The following LAMB4 variants were observed in gnomAD, a reference collection of about 807,000 sequenced individuals.
The protein encoded by LAMB4 is laminin subunit beta-4.
Under a neutral mutation model 199.2 loss-of-function variants are expected in LAMB4, and 196 were observed. The observed-to-expected ratio is 0.98, with a 90% CI of 0.88 to 1.11. The LOEUF is 1.11. Ranked by LOEUF, LAMB4 falls within the 50% of genes least tolerant of loss-of-function variation. The pLI is 0.00. For missense variants in LAMB4, 2,080 were observed against 2,171.2 expected (o/e 0.96, Z 0.83); for synonymous variants, 744 against 770.6 (o/e 0.97, Z 0.57).
intron 3 of LAMB4, among the ~76,000 whole-genome samples, chr7:108,112,316 A>ATTT (rs148022175): frequency 1.4e-5 from 2 of 146,734 alleles, no homozygotes; most frequent in African/African-American, 5.0e-5. Context: ...TTTGCTTAGG[A>ATTT]TTTTTTTTTT....
chr7:108,039,781 T>A (rs2035357572), intron 29 of LAMB4, among the ~76,000 whole-genome samples: 1 of 152,188 alleles, frequency 6.6e-6, no homozygotes, highest in South Asian at 2.1e-4. Flanking sequence ...AAACAGTAGC[T>A]TTTTAATTAA....
intron 33 of LAMB4, among the ~76,000 whole-genome samples, chr7:108,025,425 TTTC>T (rs1175271525): frequency 8.1e-5 from 10 of 123,340 alleles, no homozygotes; most frequent in Non-Finnish European, 1.4e-4. Flanking sequence ...TTCTTCTTTC[TTTC>T]TTTCTTTTTT....
chr7:108,106,531 G>A lies in LAMB4; in HGVS notation c.633C>T (p.Asn211=). Residue 211 remains asparagine (N), a synonymous_variant, in exon 7 of 34, where the codon AAC becomes AAT. Coordinates refer to ENST00000388781, the MANE Select transcript of LAMB4 (RefSeq NM_007356.3). ...KVLDPSFEIE[N]PYSPYIQDLV... is the part of the protein sequence containing the mutation. The stretch of plus-strand genomic sequence containing the variant: ...TACCTTGGATGTAGGGGCTATAAGG[G>A]TTTTCAATTTCAAAACTGGGATCCA... 2 of 1,583,486 alleles carry A rather than the reference G, an allele frequency of 1.3e-6. No homozygotes were observed. Among genetic ancestry groups the A allele is most frequent in the Non-Finnish European group, 1.7e-6 (2 of 1,154,224 alleles).
intron 30 of LAMB4, among the ~76,000 whole-genome samples, chr7:108,037,166 T>C (rs1475282777): frequency 2.0e-5 from 3 of 152,016 alleles, no homozygotes; most frequent in Non-Finnish European, 4.4e-5. Flanking sequence ...GGAAAGGCAT[T>C]TTGAGTCTAA....
chr7:108,104,792 A>C (rs1244758043), intron 8 of LAMB4, among the ~76,000 whole-genome samples, 173 bp from the exon 9 acceptor site: 1 of 152,180 alleles, frequency 6.6e-6, no homozygotes, highest in East Asian at 1.9e-4. Context: ...AACTAGCTTT[A>C]AACTTTATAA....
chr7:108,048,142 C>T, intron 27 of LAMB4, 31 bp from the exon 28 acceptor site: 1 of 995,756 alleles, frequency 1.0e-6, no homozygotes, highest in Non-Finnish European at 1.5e-6. Flanking sequence ...CGTTAAATAG[C>T]AACTTGTTGT....
chr7:108,115,973 G>A (rs759513711), intron 3 of LAMB4, 31 bp downstream of exon 3: 16 of 1,599,096 alleles, frequency 1.0e-5, no homozygotes, highest in African/African-American at 1.3e-5. Flanking sequence ...ATTAAATAAT[G>A]TCCCAGCAAA....
At chr7:108,079,102 C>T (rs902848932) in intron 15 of LAMB4, among the ~76,000 whole-genome samples, 2 of 152,208 alleles carry the variant, frequency 1.3e-5, no homozygotes, top group African/African-American at 4.8e-5. Flanking sequence ...GGCTTCTATT[C>T]TGTTTTAGAT....
rs750894258 is a variant in LAMB4 at position 108,107,732 on chromosome 7, C to A, written c.490G>T (p.Ala164Ser). The A allele has an allele frequency of 6.2e-7, 1 of 1,613,822 alleles. No individual in the cohort carries two copies. Among genetic ancestry groups the A allele is most frequent in the Admixed American group, 1.7e-5 (1 of 59,946 alleles). The change falls in exon 6 of 34, where the codon GCC becomes TCC. Residue 164 changes from alanine to serine, a missense_variant. By Grantham distance (99) the Ala-to-Ser change is moderately conservative. Transcript: ENST00000388781. ...GATGTGATGTTAGGAAAGGAAGTGG[C>A]ACAGTCTTTTGCAAAATATTTGAAC... ...KVFKYFAKDC[A>S]TSFPNITSGQ...
chr7:108,047,241 C>T (rs1425866087), intron 28 of LAMB4, among the ~76,000 whole-genome samples: 1 of 152,114 alleles, frequency 6.6e-6, no homozygotes, highest in African/African-American at 2.4e-5. Flanking sequence ...GAACTGCACA[C>T]GCCCACTTAT....
At chr7:108,119,219 A>G (rs1052744167) in intron 2 of LAMB4, among the ~76,000 whole-genome samples, 3 of 152,210 alleles carry the variant, frequency 2.0e-5, no homozygotes, top group African/African-American at 4.8e-5. Context: ...TAGGAAGAAT[A>G]TGGTAATTTC....
intron 25 of LAMB4, among the ~76,000 whole-genome samples, chr7:108,054,431 TATAG>T (rs888579717): frequency 6.6e-6 from 1 of 152,214 alleles, no homozygotes; most frequent in African/African-American, 2.4e-5. Context: ...GATATTTCCC[TATAG>T]ATAATGAGTT....
At chr7:108,105,281 C>A (rs1445465037) in intron 8 of LAMB4, among the ~76,000 whole-genome samples, 1 of 152,162 alleles carries the variant, frequency 6.6e-6, no homozygotes, top group African/African-American at 2.4e-5. Flanking sequence ...TAAGACACAG[C>A]CATTCCCAGG....
At chr7:108,071,984 C>G (rs1468688382) in intron 17 of LAMB4, among the ~76,000 whole-genome samples, 1 of 151,974 alleles carries the variant, frequency 6.6e-6, no homozygotes, top group African/African-American at 2.4e-5. Flanking sequence ...TCCTCTCAAC[C>G]CCATGGTCCT....
chr7:108,084,715 T>C (rs1191120702), intron 14 of LAMB4, among the ~76,000 whole-genome samples: 1 of 151,928 alleles, frequency 6.6e-6, no homozygotes, highest in Non-Finnish European at 1.5e-5. Flanking sequence ...CCAAGCTTTC[T>C]GTTAGAACCA....
intron 9 of LAMB4, among the ~76,000 whole-genome samples, chr7:108,103,932 G>C (rs572101036): frequency 6.7e-4 from 102 of 152,032 alleles, no homozygotes; most frequent in Non-Finnish European, 1.3e-3. Flanking sequence ...GTTTTTCCTA[G>C]TCTAGGAAAA....
At position 108,125,673 on chromosome 7, in the gene LAMB4, T is replaced by C. The variant is rs2038754582; in HGVS notation, c.-33-2476A>G. ...CAGCTACAAATGATGGGCTAATCTT[T>C]TCCTACATCGGACAGGTGGGAGTGA... On this transcript the variant is annotated intron_variant, in intron 1 of 33. Coordinates refer to ENST00000388781, the MANE Select transcript of LAMB4 (RefSeq NM_007356.3). Among the ~76,000 whole-genome samples the C allele has an allele frequency of 3.9e-5, 6 of 152,340 alleles. No homozygotes were observed. The South Asian group carries it at 1.0e-3, about 26-fold the overall frequency.
Position 108,065,929 on chromosome 7 carries a change from C to T in LAMB4, c.2679-10G>A. The T allele has an allele frequency of 6.2e-7, 1 of 1,608,694 alleles. No individual in the cohort carries two copies. The highest frequency in any genetic ancestry group is 8.5e-7 in the Non-Finnish European group (1 of 1,177,778). On this transcript the variant is annotated splice_polypyrimidine_tract_variant and intron_variant, in intron 20 of 33. Coordinates refer to ENST00000388781, the MANE Select transcript of LAMB4 (RefSeq NM_007356.3). ...GTAACCATCAATACACCTGTCAAGA[C>T]AATTTCCTTTCACCAAAATGTTTCC...
In LAMB4 at chr7:108,023,851, A is replaced by G. The variant is rs1312918781; in HGVS notation, c.*188T>C. The stretch of plus-strand genomic sequence containing the variant: ...ACAATTTCATTACTTTCCCCTTTCA[A>G]TTATGAAGTGGCATTTTCCTGGTGG... On this transcript the variant is annotated 3_prime_UTR_variant, in exon 34 of 34. Transcript: ENST00000388781. 1.0e-5 allele frequency: 4 copies of G among 387,448 alleles called. No individual in the cohort carries two copies. The highest frequency in any genetic ancestry group is 4.1e-5 in the African/African-American group (2 of 48,310). 24.0% of individuals were successfully genotyped at this position (387,448 alleles called of 1,614,324 possible). A position where few individuals can be genotyped will look rare whatever the true frequency, so the allele number is the denominator to read the frequency against.
Sources: gnomAD v4.1 joint callset for allele counts (sites outside exome capture counted in the v4.1 genomes callset) on GRCh38, gnomAD v4.1.1 for gene constraint, MANE v1.5 for transcripts, NCBI Gene and HGNC (gene_info 2026-07-23, HGNC 2026-07-21) for gene names.